Variants in MTFR1 observed in about 807,000 individuals in gnomAD.
MTFR1 encodes the protein chondrocyte protein with a poly-proline region.
Under a neutral mutation model 38.8 loss-of-function variants are expected in MTFR1, and 28 were observed. The observed-to-expected ratio is 0.72, with a 90% CI of 0.53 to 0.99. The LOEUF (loss-of-function observed/expected upper bound fraction) is 0.99, where lower values mean the gene tolerates loss of function less well. Among genes scored for constraint, MTFR1 ranks in the 50% least tolerant of loss-of-function variants. The pLI, the probability that MTFR1 is intolerant of heterozygous loss-of-function variation, is 0.00. For missense variants in MTFR1, 358 were observed against 395.5 expected, an observed-to-expected ratio of 0.91 and a Z score of 0.81; for synonymous variants, 145 against 137.0, an observed-to-expected ratio of 1.06 and a Z score of -0.41.
At chr8:65,737,940 A>G (rs1807221702) in intron 3 of MTFR1, among the ~76,000 whole-genome samples, 2 of 152,248 alleles carry the variant, frequency 1.3e-5, no homozygotes, top group Non-Finnish European at 2.9e-5. Flanking sequence ...TCTCTACTTA[A>G]AATTGAAAGA....
intron 7 of MTFR1, 101 bp downstream of exon 7, chr8:65,708,112 CCAA>C (rs1805840814): frequency 6.2e-7 from 1 of 1,601,552 alleles, no homozygotes. Flanking sequence ...TCTGTAAGTT[CCAA>C]AGGGAGGTGA....
intron 4 of MTFR1, among the ~76,000 whole-genome samples, chr8:65,699,324 T>C (rs1210724571): frequency 1.3e-5 from 2 of 152,222 alleles, no homozygotes; most frequent in Non-Finnish European, 2.9e-5. Flanking sequence ...TCCTTTTGGT[T>C]AGAATGATTT....
At chr8:65,651,355 CT>C (rs1443972882) in intron 1 of MTFR1, among the ~76,000 whole-genome samples, 2 of 152,148 alleles carry the variant, frequency 1.3e-5, no homozygotes, top group African/African-American at 4.8e-5. Flanking sequence ...ATGTGGGGTG[CT>C]ATTCAAGAAA....
At position 65,659,022 on chromosome 8, in the gene MTFR1, A is replaced by G. The variant is rs115901726; in HGVS notation, c.-80-10851A>G. Among the ~76,000 whole-genome samples the G allele has an allele frequency of 2.9e-3, 443 of 152,302 alleles. 2 individuals carry two copies. The highest frequency in any genetic ancestry group is 0.01 in the African/African-American group (423 of 41,570). ...GGAGGGAAGTAAGCCAGGGGAGTTC[A>G]GTAGTGAGTGAATCTGTTGAAGATA... On this transcript the variant is annotated intron_variant, in intron 1 of 7. Transcript: ENST00000262146.
intron 3 of MTFR1, among the ~76,000 whole-genome samples, chr8:65,692,989 G>T (rs910419634): frequency 2.0e-5 from 3 of 148,508 alleles, no homozygotes; most frequent in African/African-American, 7.5e-5. Flanking sequence ...TCCACTTCCC[G>T]GTTTGCTTGT....
the MTFR1 span, among the ~76,000 whole-genome samples, chr8:65,777,908 A>G: frequency 1.3e-5 from 2 of 152,300 alleles, no homozygotes; most frequent in Non-Finnish European, 2.9e-5. Context: ...CTTGAGATTT[A>G]TAATACTTCC....
the MTFR1 span, among the ~76,000 whole-genome samples, chr8:65,777,454 C>A: frequency 6.6e-6 from 1 of 152,122 alleles, no homozygotes; most frequent in East Asian, 1.9e-4. Flanking sequence ...TGGAAAAATA[C>A]TAATTAGGTC....
downstream of MTFR1, among the ~76,000 whole-genome samples, chr8:65,771,545 G>C (rs1195373775): frequency 6.6e-6 from 1 of 152,146 alleles, no homozygotes; most frequent in Non-Finnish European, 1.5e-5. Context: ...CCTGGGTAAA[G>C]GGTAGAGGAT....
At chr8:65,730,104 G>A (rs1266213679) in intron 3 of MTFR1, among the ~76,000 whole-genome samples, 1 of 148,392 alleles carries the variant, frequency 6.7e-6, no homozygotes, top group Non-Finnish European at 1.5e-5. Context: ...CTTGGAAGCA[G>A]TAGCTTCTCA....
intron 3 of MTFR1, chr8:65,727,044 A>G: frequency 1.0e-6 from 1 of 975,928 alleles, no homozygotes; most frequent in Non-Finnish European, 1.6e-6. Flanking sequence ...TACTGTTAGC[A>G]ATATTAATCT....
intron 3 of MTFR1, among the ~76,000 whole-genome samples, chr8:65,746,610 T>C (rs1258508406): frequency 6.6e-6 from 1 of 152,184 alleles, no homozygotes; most frequent in East Asian, 1.9e-4. Context: ...AAAAAACTTA[T>C]ATTTTATATC....
intron 3 of MTFR1, among the ~76,000 whole-genome samples, chr8:65,686,477 CA>C (rs1805078728): frequency 6.7e-6 from 1 of 149,242 alleles, no homozygotes; most frequent in African/African-American, 2.5e-5. Flanking sequence ...GAAGCTGAGG[CA>C]GGAGAATCAG....
rs1437950675 is a variant in MTFR1 at position 65,644,775 on chromosome 8, C to T, written c.-90C>T. On this transcript the variant is annotated 5_prime_UTR_variant, in exon 1 of 8. Transcript: ENST00000262146. ...GAGCCGGAGAGGGTGCTGGCTGCCG[C>T]GCGGCCGAGGTGAGTAGGGTGGGAA... The T allele has an allele frequency of 1.3e-5, 2 of 152,534 alleles. No individual in the cohort carries two copies. The highest frequency in any genetic ancestry group is 2.4e-5 in the African/African-American group (1 of 41,450). 9.4% of individuals were successfully genotyped at this position (152,534 alleles called of 1,614,324 possible). A position where few individuals can be genotyped will look rare whatever the true frequency, so the allele number is the denominator to read the frequency against.
chr8:65,777,225 A>G, the MTFR1 span, among the ~76,000 whole-genome samples: 1 of 151,762 alleles, frequency 6.6e-6, no homozygotes, highest in Non-Finnish European at 1.5e-5. Flanking sequence ...GATTACAGGC[A>G]TGCACCACCA....
chr8:65,688,451 CTTT>C (rs199865141), intron 3 of MTFR1, among the ~76,000 whole-genome samples: 5 of 130,452 alleles, frequency 3.8e-5, no homozygotes, highest in Admixed American at 1.6e-4. Context: ...TTTTTCTTTT[CTTT>C]TTTTTTTTTT....
chr8:65,670,906 A>G (rs896879754), intron 2 of MTFR1, among the ~76,000 whole-genome samples: 3 of 152,018 alleles, frequency 2.0e-5, no homozygotes, highest in Non-Finnish European at 4.4e-5. Context: ...GGGTTCCACT[A>G]TGTTGGCCAG....
intron 4 of MTFR1, among the ~76,000 whole-genome samples, chr8:65,702,754 AC>A (rs1805652907): frequency 6.6e-6 from 1 of 152,024 alleles, no homozygotes; most frequent in Non-Finnish European, 1.5e-5. Context: ...AGTTTCCCTT[AC>A]CTGTGAGATG....
chr8:65,738,657 T>C (rs1807258836), intron 3 of MTFR1, among the ~76,000 whole-genome samples: 1 of 152,070 alleles, frequency 6.6e-6, no homozygotes, highest in African/African-American at 2.4e-5. Context: ...GGTCTCCAAC[T>C]CGTGGCCTCA....
At chr8:65,771,478 G>A (rs886601076), downstream of MTFR1, among the ~76,000 whole-genome samples, 3 of 152,132 alleles carry the variant, frequency 2.0e-5, no homozygotes, top group African/African-American at 7.2e-5. Flanking sequence ...TCTTTAACCT[G>A]TTGATATCGA....
Sources: allele counts gnomAD v4.1 joint callset (sites outside exome capture counted in the v4.1 genomes callset), GRCh38; gene constraint gnomAD v4.1.1; transcripts MANE v1.5; gene names NCBI Gene and HGNC (gene_info 2026-07-23, HGNC 2026-07-21).